The following COL5A2 variants were observed in gnomAD, a reference collection of about 807,000 sequenced individuals.
COL5A2 encodes collagen type V alpha 2 chain.
In COL5A2, 23 loss-of-function variants were observed where a neutral mutation model predicts 208.2. The observed-to-expected ratio is 0.11, with a 90% confidence interval of 0.08 to 0.16. COL5A2 has a LOEUF of 0.16. Among genes scored for constraint, COL5A2 ranks in the 10% least tolerant of loss-of-function variants. The pLI, the probability that COL5A2 is intolerant of heterozygous loss-of-function variation, is 1.00. For synonymous variants in COL5A2, 625 were observed against 628.5 expected (o/e 0.99, Z 0.08); for missense variants, 1,590 against 1,956.4 (o/e 0.81, Z 3.53).
chr2:189,314,285 T>C, the COL5A2 span, among the ~76,000 whole-genome samples: 1 of 152,036 alleles, frequency 6.6e-6, no homozygotes, highest in African/African-American at 2.4e-5. Context: ...GACTAAGAAA[T>C]TCATTCAAAA....
chr2:189,184,615 T>C (rs1688823920), upstream of COL5A2, among the ~76,000 whole-genome samples: 1 of 152,220 alleles, frequency 6.6e-6, no homozygotes. Context: ...TCCTGACATG[T>C]CTTCGTTGTC....
the COL5A2 span, among the ~76,000 whole-genome samples, chr2:189,296,638 A>G: frequency 1.3e-5 from 2 of 152,254 alleles, no homozygotes; most frequent in South Asian, 4.1e-4. Context: ...GTCCAAATGT[A>G]AATCCCTTAT....
At chr2:189,342,308 A>G in the COL5A2 span, among the ~76,000 whole-genome samples, 1 of 149,196 alleles carries the variant, frequency 6.7e-6, no homozygotes, top group Admixed American at 6.7e-5. Context: ...CTATATATAT[A>G]GAACCAAATA....
chr2:189,406,303 T>C, the COL5A2 span, among the ~76,000 whole-genome samples: 1 of 152,318 alleles, frequency 6.6e-6, no homozygotes, highest in African/African-American at 2.4e-5. Context: ...TTTTATATTT[T>C]TGGTAACAGC....
Position 189,104,253 on chromosome 2 carries a change from G to C in COL5A2, c.336+11C>G. On this transcript the variant is annotated intron_variant, in intron 3 of 53. Coordinates refer to ENST00000374866, the MANE Select transcript of COL5A2 (RefSeq NM_000393.5). The stretch of plus-strand genomic sequence containing the variant: ...GCTTATGAAAAAGAAAATATGCAAA[G>C]TAACACTTACCTTTCTTCCTCTACC... 1 of 1,499,948 alleles carries C rather than the reference G, an allele frequency of 6.7e-7. No homozygotes were observed. Among genetic ancestry groups the C allele is most frequent in the Non-Finnish European group, 9.3e-7 (1 of 1,078,496 alleles). 92.9% of individuals were successfully genotyped at this position (1,499,948 alleles called of 1,614,324 possible).
the COL5A2 span, among the ~76,000 whole-genome samples, chr2:189,304,742 T>C: frequency 6.6e-6 from 1 of 152,214 alleles, no homozygotes; most frequent in African/African-American, 2.4e-5. Flanking sequence ...CCAAACTATA[T>C]CACCAGTCAT....
the COL5A2 span, among the ~76,000 whole-genome samples, chr2:189,320,926 G>C: frequency 4.6e-5 from 7 of 152,306 alleles, no homozygotes; most frequent in East Asian, 1.3e-3. Flanking sequence ...GAAAGGTCGG[G>C]TTACCCACAC....
chr2:189,246,284 A>G, the COL5A2 span, among the ~76,000 whole-genome samples: 1 of 151,798 alleles, frequency 6.6e-6, no homozygotes, highest in South Asian at 2.1e-4. Flanking sequence ...AGAACAATTT[A>G]TTAGGAAAAA....
the COL5A2 span, among the ~76,000 whole-genome samples, chr2:189,232,747 C>T: frequency 6.6e-6 from 1 of 151,588 alleles, no homozygotes; most frequent in African/African-American, 2.4e-5. Context: ...AAAAGAGAAG[C>T]CAGAGACTTC....
intron 19 of COL5A2, 21 bp downstream of exon 19, chr2:189,068,765 T>G: frequency 6.4e-7 from 1 of 1,561,384 alleles, no homozygotes; most frequent in Non-Finnish European, 8.8e-7. Flanking sequence ...GGGCTGGTTC[T>G]TAAATATGCT....
At chr2:189,300,933 T>C in the COL5A2 span, among the ~76,000 whole-genome samples, 1 of 152,164 alleles carries the variant, frequency 6.6e-6, no homozygotes, top group Non-Finnish European at 1.5e-5. Flanking sequence ...ACACCTATAA[T>C]TCCAGCCCTT....
At chr2:189,196,818 G>T (rs1222555674) in intron 1 of COL5A2, among the ~76,000 whole-genome samples, 1 of 151,816 alleles carries the variant, frequency 6.6e-6, no homozygotes, top group Non-Finnish European at 1.5e-5. Flanking sequence ...TGACACTGTG[G>T]ATAAATAGGA....
chr2:189,255,947 A>G, the COL5A2 span, among the ~76,000 whole-genome samples: 1 of 152,194 alleles, frequency 6.6e-6, no homozygotes, highest in African/African-American at 2.4e-5. Flanking sequence ...ATCATAGCTT[A>G]AAAGTACAAA....
intron 33 of COL5A2, among the ~76,000 whole-genome samples, chr2:189,057,934 G>T (rs1207971703): frequency 1.3e-5 from 2 of 151,972 alleles, no homozygotes. Context: ...TACTGAAGTT[G>T]GCCACATTAT....
chr2:189,378,580 C>T, the COL5A2 span, among the ~76,000 whole-genome samples: 1 of 151,892 alleles, frequency 6.6e-6, no homozygotes, highest in Non-Finnish European at 1.5e-5. Context: ...AAAAATTAGC[C>T]GGGCATGGTG....
intron 1 of COL5A2, among the ~76,000 whole-genome samples, chr2:189,203,316 C>T (rs776100308): frequency 5.3e-5 from 8 of 152,166 alleles, no homozygotes; most frequent in Admixed American, 3.9e-4. Flanking sequence ...TCAACACACC[C>T]ATCCCATAAA....
intron 1 of COL5A2, among the ~76,000 whole-genome samples, chr2:189,191,325 A>G (rs560651299): frequency 7.2e-5 from 11 of 152,196 alleles, no homozygotes; most frequent in African/African-American, 2.6e-4. Flanking sequence ...GGTAAGAAAA[A>G]TGCCAGGAAA....
At chr2:189,119,337 G>C (rs1448592521) in intron 1 of COL5A2, among the ~76,000 whole-genome samples, 1 of 152,064 alleles carries the variant, frequency 6.6e-6, no homozygotes, top group Non-Finnish European at 1.5e-5. Flanking sequence ...ACTACATCAA[G>C]AAGGAGGTTT....
In COL5A2 at chr2:189,128,837, T is replaced by C. The variant is rs111417590; in HGVS notation, c.98-18388A>G. On this transcript the variant is annotated intron_variant, in intron 1 of 53. Coordinates refer to ENST00000374866, the MANE Select transcript of COL5A2 (RefSeq NM_000393.5). ...TATATCTTCTGCTTCTTCCTTATAA[T>C]AACAGAGAAAAGCTAAATGGGGCAC... Among the ~76,000 whole-genome samples, 12 of 152,074 alleles carry C rather than the reference T, an allele frequency of 7.9e-5. 1 individual carries two copies. Among genetic ancestry groups the C allele is most frequent in the African/African-American group, 2.9e-4 (12 of 41,540 alleles).
Sources: allele counts gnomAD v4.1 joint callset (sites outside exome capture counted in the v4.1 genomes callset), GRCh38; gene constraint gnomAD v4.1.1; transcripts MANE v1.5; gene names NCBI Gene and HGNC (gene_info 2026-07-23, HGNC 2026-07-21).